Variants in HHAT observed in about 807,000 individuals in gnomAD.
HHAT encodes the protein protein-cysteine N-palmitoyltransferase HHAT.
A neutral mutation model predicts 70.8 loss-of-function variants in HHAT; 47 were observed. That is an observed-to-expected ratio of 0.66 (90% CI 0.53 to 0.85). The LOEUF is 0.85. Ranked by LOEUF, HHAT falls within the 40% of genes least tolerant of loss-of-function variation. The pLI, the probability that HHAT is intolerant of heterozygous loss-of-function variation, is 0.00. For synonymous variants in HHAT, 228 were observed against 247.6 expected (o/e 0.92, Z 0.74); for missense variants, 609 against 604.8 (o/e 1.01, Z -0.07).
At chr1:210,661,985 TA>T (rs1473412353) in intron 11 of HHAT, among the ~76,000 whole-genome samples, 2 of 150,868 alleles carry the variant, frequency 1.3e-5, no homozygotes, top group African/African-American at 4.9e-5. Context: ...AAGTATAATT[TA>T]AAAAAATTTA....
At chr1:210,643,703 T>C (rs1673422621) in intron 11 of HHAT, among the ~76,000 whole-genome samples, 1 of 149,558 alleles carries the variant, frequency 6.7e-6, no homozygotes, top group African/African-American at 2.5e-5. Context: ...TTCAGTAGAT[T>C]CATTTTTTTT....
chr1:210,336,792 TAAA>T (rs570563163), intron 1 of HHAT, among the ~76,000 whole-genome samples: 2 of 151,950 alleles, frequency 1.3e-5, no homozygotes, highest in Non-Finnish European at 2.9e-5. Flanking sequence ...AAGAAAAAAA[TAAA>T]AAATAAGAAA....
intron 9 of HHAT, among the ~76,000 whole-genome samples, chr1:210,587,018 A>G (rs1558219175): frequency 6.6e-6 from 1 of 152,208 alleles, no homozygotes; most frequent in Non-Finnish European, 1.5e-5. Context: ...ACCTGCCTAG[A>G]AAGCTGGGGA....
intron 9 of HHAT, among the ~76,000 whole-genome samples, chr1:210,553,771 C>A (rs2095548123): frequency 6.6e-6 from 1 of 152,174 alleles, no homozygotes; most frequent in Non-Finnish European, 1.5e-5. Context: ...TCAGACCACC[C>A]AGGGCTCTGC....
At chr1:210,622,710 G>T (rs947647076) in intron 10 of HHAT, among the ~76,000 whole-genome samples, 2 of 152,086 alleles carry the variant, frequency 1.3e-5, no homozygotes, top group African/African-American at 4.8e-5. Context: ...CAGTAGGCTC[G>T]GCTCACACTC....
At chr1:210,647,965 C>T (rs1674411142) in intron 11 of HHAT, among the ~76,000 whole-genome samples, 1 of 152,200 alleles carries the variant, frequency 6.6e-6, no homozygotes, top group Non-Finnish European at 1.5e-5. Context: ...GAGTCTGGCT[C>T]CGTTTTTGGT....
At chr1:210,505,927 C>T (rs570370869) in intron 8 of HHAT, among the ~76,000 whole-genome samples, 1 of 152,256 alleles carries the variant, frequency 6.6e-6, no homozygotes, top group South Asian at 2.1e-4. Context: ...TTCCACCCAG[C>T]CGAGATTAGT....
At chr1:210,440,951 A>C (rs1430670982) in intron 7 of HHAT, among the ~76,000 whole-genome samples, 1 of 152,184 alleles carries the variant, frequency 6.6e-6, no homozygotes, top group Non-Finnish European at 1.5e-5. Context: ...TAAAAGGAAA[A>C]TGAGTAGCTC....
At chr1:210,607,510 T>C (rs1262333265) in intron 10 of HHAT, among the ~76,000 whole-genome samples, 1 of 152,176 alleles carries the variant, frequency 6.6e-6, no homozygotes, top group Non-Finnish European at 1.5e-5. Flanking sequence ...GAACAGAATA[T>C]AGCTGAGGCC....
intron 10 of HHAT, among the ~76,000 whole-genome samples, chr1:210,616,808 T>G (rs1346709576): frequency 6.6e-6 from 1 of 152,270 alleles, no homozygotes; most frequent in Admixed American, 6.5e-5. Context: ...GCTCTTCTAG[T>G]TCTTCATTTG....
At chr1:210,337,200 A>T (rs1369188307) in intron 1 of HHAT, among the ~76,000 whole-genome samples, 1 of 152,200 alleles carries the variant, frequency 6.6e-6, no homozygotes, top group African/African-American at 2.4e-5. Context: ...ATTTTCTTCC[A>T]ATTTAAGTTT....
chr1:210,587,448 C>T (rs1660716507), intron 9 of HHAT, among the ~76,000 whole-genome samples: 1 of 152,152 alleles, frequency 6.6e-6, no homozygotes, highest in Non-Finnish European at 1.5e-5. Flanking sequence ...GGGTCCCTCC[C>T]ATGACACGTG....
intron 8 of HHAT, 144 bp downstream of exon 8, chr1:210,464,799 C>T: frequency 6.6e-6 from 5 of 754,738 alleles, no homozygotes; most frequent in Non-Finnish European, 8.6e-6. Context: ...ATCCTACTAA[C>T]AGGATGACTA....
chr1:210,458,669 G>C (rs1030423996), intron 7 of HHAT, among the ~76,000 whole-genome samples: 3 of 152,170 alleles, frequency 2.0e-5, no homozygotes, highest in African/African-American at 7.2e-5. Context: ...TGGATAAAAT[G>C]AGTGGTTCAA....
chr1:210,602,007 A>G (rs1664400485), intron 10 of HHAT, among the ~76,000 whole-genome samples: 1 of 147,214 alleles, frequency 6.8e-6, no homozygotes, highest in African/African-American at 2.5e-5. Context: ...ACACGCATGC[A>G]AAGAGAAGAA....
At chr1:210,451,831 AGCCTCCCAAAACATGATATATC>A (rs2093762383) in intron 7 of HHAT, among the ~76,000 whole-genome samples, 3 of 152,192 alleles carry the variant, frequency 2.0e-5, no homozygotes, top group Admixed American at 6.5e-5. Context: ...TTCCTGGCTC[AGCCTCCCAAAACATGATATATC>A]TTTTAAAAAA....
intron 7 of HHAT, among the ~76,000 whole-genome samples, chr1:210,438,273 A>T (rs546808359): frequency 7.3e-4 from 111 of 151,960 alleles, no homozygotes; most frequent in Non-Finnish European, 1.3e-3. Context: ...ACTCTAGTTG[A>T]TAATGGACCA....
intron 8 of HHAT, among the ~76,000 whole-genome samples, chr1:210,479,530 A>C (rs1231289734): frequency 6.6e-6 from 1 of 152,220 alleles, no homozygotes; most frequent in Non-Finnish European, 1.5e-5. Flanking sequence ...TGAGAAAAAT[A>C]AAAGCTTAGG....
intron 10 of HHAT, among the ~76,000 whole-genome samples, chr1:210,619,323 A>G (rs73063628): frequency 0.016 from 2,392 of 152,188 alleles, 68 homozygotes; most frequent in African/African-American, 0.054. Flanking sequence ...CAGGGGAGGA[A>G]GCTTGGAATT....
Sources: allele counts gnomAD v4.1 joint callset (sites outside exome capture counted in the v4.1 genomes callset), GRCh38; gene constraint gnomAD v4.1.1; transcripts MANE v1.5; gene names NCBI Gene and HGNC (gene_info 2026-07-23, HGNC 2026-07-21).